GALNT18: variants seen among roughly 807,000 people sequenced by gnomAD.
GALNT18 encodes GalNAc-transferase 18.
Under a neutral mutation model 69.5 loss-of-function variants are expected in GALNT18, and 44 were observed. The ratio of observed to expected loss-of-function variants is 0.63; its 90% CI spans 0.50 to 0.81. GALNT18 has a LOEUF of 0.81. Ranked by LOEUF, GALNT18 falls within the 40% of genes least tolerant of loss-of-function variation. The probability of loss-of-function intolerance (pLI) is 0.00; values close to 1 mark genes in which losing one functional copy is unlikely to be tolerated. For synonymous variants in GALNT18, 364 were observed against 318.2 expected, an observed-to-expected ratio of 1.14 and a Z score of -1.53; for missense variants, 715 against 810.0, an observed-to-expected ratio of 0.88 and a Z score of 1.42.
chr11:11,317,595 T>G (rs1324175796), intron 9 of GALNT18, among the ~76,000 whole-genome samples: 2 of 152,216 alleles, frequency 1.3e-5, no homozygotes, highest in African/African-American at 4.8e-5. Context: ...TTGTTTTTGC[T>G]TGTTGAGTTG....
intron 3 of GALNT18, among the ~76,000 whole-genome samples, chr11:11,385,720 G>A (rs1485977338): frequency 1.3e-5 from 2 of 152,136 alleles, no homozygotes; most frequent in Non-Finnish European, 2.9e-5. Flanking sequence ...ATTAGGGGGA[G>A]GAATTGGGGC....
chr11:11,434,503 T>C (rs1855354185), intron 2 of GALNT18, among the ~76,000 whole-genome samples: 1 of 152,188 alleles, frequency 6.6e-6, no homozygotes, highest in Non-Finnish European at 1.5e-5. Flanking sequence ...AAATACAATT[T>C]CATATAAGTG....
chr11:11,381,842 T>C (rs1026297110), intron 3 of GALNT18, among the ~76,000 whole-genome samples: 11 of 152,178 alleles, frequency 7.2e-5, no homozygotes, highest in Admixed American at 2.0e-4. Flanking sequence ...ATCCCAGCCT[T>C]TATTGCAGGA....
chr11:11,462,855 C>T (rs926756400), intron 1 of GALNT18, among the ~76,000 whole-genome samples: 6 of 152,222 alleles, frequency 3.9e-5, no homozygotes, highest in South Asian at 2.1e-4. Flanking sequence ...CTCCACCACC[C>T]GGGAGGGGTC....
intron 3 of GALNT18, among the ~76,000 whole-genome samples, chr11:11,425,664 C>T (rs1244369353): frequency 2.0e-5 from 3 of 151,716 alleles, no homozygotes; most frequent in Admixed American, 6.6e-5. Flanking sequence ...TGGGATGGGG[C>T]GAGGGAACAG....
intron 1 of GALNT18, among the ~76,000 whole-genome samples, chr11:11,547,511 G>A (rs951005197): frequency 2.0e-5 from 3 of 152,160 alleles, no homozygotes; most frequent in Non-Finnish European, 1.5e-5. Flanking sequence ...CCAGGCATGC[G>A]TCCCTCCCCA....
chr11:11,399,721 TTA>T (rs1038176153), intron 3 of GALNT18, among the ~76,000 whole-genome samples: 1 of 152,218 alleles, frequency 6.6e-6, no homozygotes, highest in African/African-American at 2.4e-5. Context: ...GGTGTATGAT[TTA>T]TGTTATAAAT....
chr11:11,291,341 A>C (rs1849293014), intron 10 of GALNT18, among the ~76,000 whole-genome samples: 1 of 152,150 alleles, frequency 6.6e-6, no homozygotes, highest in East Asian at 1.9e-4. Flanking sequence ...TATTTCATAA[A>C]TAATGACCAA....
chr11:11,479,781 A>C (rs1564970452), intron 1 of GALNT18, among the ~76,000 whole-genome samples: 1 of 152,124 alleles, frequency 6.6e-6, no homozygotes, highest in Non-Finnish European at 1.5e-5. Flanking sequence ...TCTCTATCCC[A>C]CACTCTGAAG....
chr11:11,283,582 G>A (rs552869680), intron 10 of GALNT18, among the ~76,000 whole-genome samples: 10 of 152,262 alleles, frequency 6.6e-5, no homozygotes, highest in South Asian at 2.1e-4. Flanking sequence ...GTCCTCACTC[G>A]CAGGGTCCAA....
intron 1 of GALNT18, among the ~76,000 whole-genome samples, chr11:11,533,841 G>T (rs1343177067): frequency 6.6e-6 from 1 of 152,142 alleles, no homozygotes; most frequent in African/African-American, 2.4e-5. Flanking sequence ...ATTATCTCCT[G>T]CTCTCCTTTG....
chr11:11,391,859 T>C (rs190640925), intron 3 of GALNT18, among the ~76,000 whole-genome samples: 2 of 152,242 alleles, frequency 1.3e-5, no homozygotes, highest in African/African-American at 4.8e-5. Context: ...CTGGAAGCGC[T>C]GTGCACACCT....
intron 3 of GALNT18, among the ~76,000 whole-genome samples, chr11:11,429,364 C>A (rs1589994137): frequency 1.3e-5 from 2 of 152,358 alleles, no homozygotes; most frequent in Admixed American, 1.3e-4. Context: ...AAGCTTCTAA[C>A]TTTCGGTTCT....
chr11:11,490,958 G>C (rs1856758877), intron 1 of GALNT18, among the ~76,000 whole-genome samples: 1 of 152,236 alleles, frequency 6.6e-6, no homozygotes, highest in African/African-American at 2.4e-5. Flanking sequence ...CCCAAAGGTG[G>C]GCTCTGGAAG....
In GALNT18 at chr11:11,318,651, A is replaced by C. The variant is rs1390150454; in HGVS notation, c.1512+8435T>G. Among the ~76,000 whole-genome samples, 1 of 152,214 alleles carries C rather than the reference A, an allele frequency of 6.6e-6. No individual in the cohort carries two copies. The highest frequency in any genetic ancestry group is 1.5e-5 in the Non-Finnish European group (1 of 68,044). ...GGAAACTTCTGCAGGGGAAAAGGTC[A>C]GATGGTCAGGCTGTGACCCATAAGA... On this transcript the variant is annotated intron_variant, in intron 9 of 10. Transcript: ENST00000227756. The surrounding 1 kb of genome is among the most constrained non-coding windows in gnomAD (Gnocchi z 5.1).
chr11:11,449,935 G>T lies in GALNT18; in HGVS notation c.236-999C>A, dbSNP rs1307465649. 5.3e-5 allele frequency among the ~76,000 whole-genome samples: 8 copies of T among 152,364 alleles called. No homozygotes were observed. In the East Asian group the frequency reaches 1.5e-3, roughly 29 times the overall value. ...ATTAGGGTTATTATAGCAAGGGAAG[G>T]TTATTGAAATCTCTCTTTGATGGGG... On this transcript the variant is annotated intron_variant, in intron 1 of 10. Transcript: ENST00000227756.
At chr11:11,334,121 G>A (rs1590043543) in intron 7 of GALNT18, among the ~76,000 whole-genome samples, 1 of 152,138 alleles carries the variant, frequency 6.6e-6, no homozygotes, top group Non-Finnish European at 1.5e-5. Flanking sequence ...ATCAACTCCA[G>A]GGATTGAGTT....
At chr11:11,369,867 A>G (rs2133668972) in intron 6 of GALNT18, among the ~76,000 whole-genome samples, 1 of 152,298 alleles carries the variant, frequency 6.6e-6, no homozygotes, top group East Asian at 1.9e-4. Context: ...CAGTAGACAT[A>G]ATTGTGAATA....
At chr11:11,273,087 A>C (rs1400440740) in intron 10 of GALNT18, among the ~76,000 whole-genome samples, 2 of 152,252 alleles carry the variant, frequency 1.3e-5, no homozygotes, top group African/African-American at 4.8e-5. Flanking sequence ...CTCCTAGAAG[A>C]AAACATTGGA....
Sources: gnomAD v4.1 joint callset for allele counts (sites outside exome capture counted in the v4.1 genomes callset) on GRCh38, gnomAD v4.1.1 for gene constraint, Gnocchi (gnomAD v3.1) non-coding constraint, MANE v1.5 for transcripts, NCBI Gene and HGNC (gene_info 2026-07-23, HGNC 2026-07-21) for gene names.